The following FBXW12 variants were observed in gnomAD, a reference collection of about 807,000 sequenced individuals.
FBXW12 encodes F-box/WD repeat-containing protein 12.
FBXW12 carries 43 observed loss-of-function variants against 55.3 expected under a neutral mutation model. The observed-to-expected ratio is 0.78, with a 90% CI of 0.61 to 1.00. The LOEUF (loss-of-function observed/expected upper bound fraction) is 1.00. Ranked by LOEUF, FBXW12 falls within the 50% of genes least tolerant of loss-of-function variation. FBXW12 has a pLI of 0.00. For synonymous variants in FBXW12, 184 were observed against 203.8 expected, an observed-to-expected ratio of 0.90 and a Z score of 0.83; for missense variants, 524 against 560.5, an observed-to-expected ratio of 0.93 and a Z score of 0.66.
Position 48,372,618 on chromosome 3 carries a change from G to A in FBXW12, c.-84-66G>A, listed in dbSNP as rs1018229881. ...AGAGGCCGGGGTGGAGGTCAGCCCG[G>A]GAGTCTGCACACCTGCAGCTTGTTT... On this transcript the variant is annotated intron_variant, in intron 1 of 10. Coordinates refer to ENST00000296438, the MANE Select transcript of FBXW12 (RefSeq NM_207102.2). The A allele has an allele frequency of 2.5e-4, 384 of 1,547,190 alleles. 2 individuals carry two copies. The highest frequency in any genetic ancestry group is 2.7e-4 in the Non-Finnish European group (309 of 1,144,300).
intron 10 of FBXW12, among the ~76,000 whole-genome samples, chr3:48,386,922 T>C (rs1273233648): frequency 1.3e-5 from 2 of 149,958 alleles, no homozygotes; most frequent in South Asian, 2.1e-4. Flanking sequence ...TATCATTTTG[T>C]AGTTTTCTTC....
intron 5 of FBXW12, among the ~76,000 whole-genome samples, chr3:48,377,000 G>A (rs1392426752): frequency 5.9e-5 from 9 of 152,094 alleles, no homozygotes; most frequent in Non-Finnish European, 8.8e-5. Flanking sequence ...AGATTTTCAC[G>A]TCAAGATAAA....
intron 10 of FBXW12, among the ~76,000 whole-genome samples, chr3:48,389,268 G>C (rs935833468): frequency 6.6e-6 from 1 of 152,066 alleles, no homozygotes; most frequent in African/African-American, 2.4e-5. Flanking sequence ...TTCCTTAGAG[G>C]TTCTGAATAT....
intron 8 of FBXW12, among the ~76,000 whole-genome samples, chr3:48,381,192 T>A (rs937543598): frequency 5.3e-5 from 8 of 151,950 alleles, no homozygotes; most frequent in African/African-American, 1.9e-4. Flanking sequence ...CCGGCTAATT[T>A]TTTGTATTTT....
Position 48,381,940 on chromosome 3 carries a change from G to C in FBXW12, c.1165-15G>C. On this transcript the variant is annotated splice_polypyrimidine_tract_variant and intron_variant, in intron 9 of 10. Coordinates refer to ENST00000296438, the MANE Select transcript of FBXW12 (RefSeq NM_207102.2). ...CTTTGACTCCTTGGCCACTCACTCTGGCTATCCTTGGAAGGATCCTTGCTA... is the reference window on the plus strand; with the variant it reads ...CTTTGACTCCTTGGCCACTCACTCTCGCTATCCTTGGAAGGATCCTTGCTA... 6.2e-7 allele frequency: 1 copy of C among 1,614,052 alleles called. No homozygotes were observed. The highest frequency in any genetic ancestry group is 8.5e-7 in the Non-Finnish European group (1 of 1,179,976).
intron 10 of FBXW12, among the ~76,000 whole-genome samples, chr3:48,393,893 C>T (rs1471476632): frequency 6.6e-6 from 1 of 151,666 alleles, no homozygotes; most frequent in Non-Finnish European, 1.5e-5. Context: ...ATTCTCCTGC[C>T]TCAGCCTCCC....
At chr3:48,374,987 T>G (rs1170722464) in intron 4 of FBXW12, among the ~76,000 whole-genome samples, 1 of 152,128 alleles carries the variant, frequency 6.6e-6, no homozygotes, top group Non-Finnish European at 1.5e-5. Flanking sequence ...GGTCTAGAAC[T>G]CCTGGCCTCA....
intron 10 of FBXW12, among the ~76,000 whole-genome samples, chr3:48,385,956 C>T (rs1011964364): frequency 6.6e-6 from 1 of 152,158 alleles, no homozygotes; most frequent in Non-Finnish European, 1.5e-5. Flanking sequence ...TTCTCCCATT[C>T]CATAGATTGT....
At chr3:48,380,092 A>C (rs2036744408) in intron 7 of FBXW12, 2 of 152,528 alleles carry the variant, frequency 1.3e-5, no homozygotes, top group Non-Finnish European at 2.9e-5. Context: ...GTGAATAGTC[A>C]CTGCACTCCA....
rs755561214 is a variant in FBXW12 at position 48,380,919 on chromosome 3, T to C, written c.985+7T>C. 1.3e-4 allele frequency: 202 copies of C among 1,611,638 alleles called. No individual in the cohort carries two copies. The highest frequency in any genetic ancestry group is 1.7e-4 in the Non-Finnish European group (199 of 1,178,200). ...GGCCAAACAGTCATCCAAGGTAGGC[T>C]GTGCCACATTAGAAACGCTTGTTTC... On this transcript the variant is annotated splice_region_variant and intron_variant, in intron 8 of 10. Coordinates refer to ENST00000296438, the MANE Select transcript of FBXW12 (RefSeq NM_207102.2).
Position 48,372,324 on chromosome 3 carries a change from G to C in FBXW12, c.-85+4G>C, listed in dbSNP as rs1377360626. The C allele has an allele frequency of 1.9e-6, 3 of 1,552,122 alleles. No homozygotes were observed. The African/African-American group carries it at 4.1e-5, about 21-fold the overall frequency. On this transcript the variant is annotated splice_donor_region_variant and intron_variant, in intron 1 of 10. Coordinates refer to ENST00000296438, the MANE Select transcript of FBXW12 (RefSeq NM_207102.2). ...TCACCAGATTCAAGATCCCAAGGTA[G>C]GCACAGACACAGGGCAAGCAGACTC...
In FBXW12 at chr3:48,375,368, T is replaced by A; in HGVS notation, c.301T>A (p.Leu101Met). ...TTTCCTTCTAGCATTTGAGACGGAG[T>A]TGGCTTATCTCTCAGGAAATAGACT... ...VTKNIAFETE[L>M]AYLSGNRLTV... Residue 101 changes from leucine (L) to methionine (M), a missense_variant, in exon 5 of 11, where the codon TTG becomes ATG. Leu to Met is a conservative substitution (Grantham distance 15). Coordinates refer to ENST00000296438, the MANE Select transcript of FBXW12 (RefSeq NM_207102.2). The A allele has an allele frequency of 6.2e-7, 1 of 1,607,942 alleles. No homozygotes were observed. The highest frequency in any genetic ancestry group is 8.5e-7 in the Non-Finnish European group (1 of 1,175,224).
At chr3:48,384,683 G>T (rs889071264) in intron 10 of FBXW12, among the ~76,000 whole-genome samples, 2 of 152,118 alleles carry the variant, frequency 1.3e-5, no homozygotes, top group Non-Finnish European at 2.9e-5. Context: ...TTCTCTTCTA[G>T]TCCTAGATGG....
At chr3:48,373,179 C>G (rs1397931128) in intron 2 of FBXW12, 129 bp from the exon 3 acceptor site, 2 of 1,383,714 alleles carry the variant, frequency 1.4e-6, no homozygotes, top group African/African-American at 2.8e-5. Flanking sequence ...ACTGAGAGTG[C>G]TTTGAGAGCT....
At chr3:48,381,911 C>A in intron 9 of FBXW12, 33 bp downstream of exon 9, 3 of 1,611,168 alleles carry the variant, frequency 1.9e-6, no homozygotes, top group Non-Finnish European at 2.5e-6. Flanking sequence ...GCTTTTTGAT[C>A]TGACTTTGAC....
chr3:48,375,580 CAA>C lies in FBXW12; in HGVS notation c.405+110_405+111del. ...AAATATTCGGAAGTGGTAACAAAAA[CAA>C]AGTGTCAAATCAGGTTTTCTATCAT... On this transcript the variant is annotated intron_variant, in intron 5 of 10. Transcript: ENST00000296438. 5 of 669,038 alleles carry C rather than the reference CAA, an allele frequency of 7.5e-6. 1 individual carries two copies. The South Asian group carries it at 1.0e-4, about 13-fold the overall frequency. The allele number at this position is 669,038 out of a possible 1,614,324, so 41.4% of individuals were successfully genotyped here. A position where few individuals can be genotyped will look rare whatever the true frequency, so the allele number is the denominator to read the frequency against.
intron 5 of FBXW12, 51 bp downstream of exon 5, chr3:48,375,523 G>A: frequency 9.3e-7 from 1 of 1,079,208 alleles, no homozygotes; most frequent in Middle Eastern, 2.0e-4. Context: ...CATCCATCCT[G>A]TTCTATATAT....
chr3:48,375,252 C>T (rs1200620191), intron 4 of FBXW12, 102 bp from the exon 5 acceptor site: 6 of 783,270 alleles, frequency 7.7e-6, no homozygotes, highest in Admixed American at 7.1e-5. Context: ...TATTGTTACC[C>T]AAACCTTCCT....
chr3:48,381,102 A>C (rs2036762990), intron 8 of FBXW12, among the ~76,000 whole-genome samples, 190 bp downstream of exon 8: 2 of 147,934 alleles, frequency 1.4e-5, no homozygotes. Flanking sequence ...GGCTCACTGC[A>C]AGCTCCACCT....
Sources: gnomAD v4.1 joint callset for allele counts (sites outside exome capture counted in the v4.1 genomes callset) on GRCh38, gnomAD v4.1.1 for gene constraint, MANE v1.5 for transcripts, NCBI Gene and HGNC (gene_info 2026-07-23, HGNC 2026-07-21) for gene names.